IFT56: variants seen among roughly 807,000 people sequenced by gnomAD.
IFT56 encodes the protein intraflagellar transport 56.
At chr7:139,139,073 A>G in the IFT56 span, among the ~76,000 whole-genome samples, 1 of 152,174 alleles carries the variant, frequency 6.6e-6, no homozygotes, top group Non-Finnish European at 1.5e-5. Context: ...CGGCCTCCCA[A>G]AGTGCTGGGA....
the IFT56 span, chr7:139,161,185 G>C: frequency 5.6e-6 from 3 of 533,260 alleles, no homozygotes; most frequent in Non-Finnish European, 9.8e-6. Context: ...GTACTAATCT[G>C]TTTCCTTAAG....
the IFT56 span, among the ~76,000 whole-genome samples, chr7:139,167,244 T>G: frequency 6.6e-6 from 1 of 152,228 alleles, no homozygotes; most frequent in Non-Finnish European, 1.5e-5. Context: ...GTAACTTGTC[T>G]TTCTTCCCCA....
At chr7:139,168,595 TG>T in the IFT56 span, 4 of 573,250 alleles carry the variant, frequency 7.0e-6, no homozygotes, top group Admixed American at 1.1e-4. Flanking sequence ...AAAAAAAACT[TG>T]TAACCCTAAA....
the IFT56 span, among the ~76,000 whole-genome samples, chr7:139,140,862 T>C: frequency 6.6e-6 from 1 of 151,872 alleles, no homozygotes; most frequent in Admixed American, 6.6e-5. Context: ...ACTGTAATGT[T>C]TGATAGGGAA....
At chr7:139,161,295 C>G in the IFT56 span, 2 of 376,750 alleles carry the variant, frequency 5.3e-6, no homozygotes, top group African/African-American at 4.2e-5. Context: ...GACAAAGGAA[C>G]GTATCCCTCT....
At chr7:139,144,784 T>G in the IFT56 span, among the ~76,000 whole-genome samples, 1 of 152,126 alleles carries the variant, frequency 6.6e-6, no homozygotes, top group African/African-American at 2.4e-5. Context: ...GAATTTACAT[T>G]TTATTACTTT....
At chr7:139,143,992 A>G in the IFT56 span, among the ~76,000 whole-genome samples, 1 of 152,122 alleles carries the variant, frequency 6.6e-6, no homozygotes, top group African/African-American at 2.4e-5. Context: ...TGCAAATTTG[A>G]AAAATATTTT....
chr7:139,169,458 AT>A, the IFT56 span: 10 of 993,134 alleles, frequency 1.0e-5, no homozygotes, highest in Admixed American at 2.0e-5. Context: ...TAGGCTTCAC[AT>A]TATAAAGTGG....
At chr7:139,147,790 G>A in the IFT56 span, among the ~76,000 whole-genome samples, 1 of 151,970 alleles carries the variant, frequency 6.6e-6, no homozygotes, top group Non-Finnish European at 1.5e-5. Context: ...TTAAACACTT[G>A]GCCTCTCTCT....
At chr7:139,171,993 G>A in the IFT56 span, among the ~76,000 whole-genome samples, 10 of 152,154 alleles carry the variant, frequency 6.6e-5, no homozygotes, top group Non-Finnish European at 1.5e-4. Flanking sequence ...AAGCAAACGT[G>A]TAGCTGCAAA....
chr7:139,186,907 A>G, the IFT56 span, among the ~76,000 whole-genome samples: 1 of 150,592 alleles, frequency 6.6e-6, no homozygotes, highest in Non-Finnish European at 1.5e-5. Context: ...ATCCTGGCTA[A>G]CAAGGTGAAA....
the IFT56 span, among the ~76,000 whole-genome samples, chr7:139,148,898 C>T: frequency 6.6e-6 from 1 of 151,736 alleles, no homozygotes; most frequent in Non-Finnish European, 1.5e-5. Flanking sequence ...GAGACTCTGT[C>T]TCAAAAAAAC....
chr7:139,159,420 T>C, the IFT56 span, among the ~76,000 whole-genome samples: 1 of 152,200 alleles, frequency 6.6e-6, no homozygotes, highest in South Asian at 2.1e-4. Flanking sequence ...TATAACTGTT[T>C]TTTTATTTTA....
At chr7:139,149,314 A>AG in the IFT56 span, among the ~76,000 whole-genome samples, 1 of 151,684 alleles carries the variant, frequency 6.6e-6, no homozygotes, top group Non-Finnish European at 1.5e-5. Flanking sequence ...CAAAAAAAAA[A>AG]AAAAAAGAAC....
the IFT56 span, chr7:139,169,437 G>C: frequency 1.6e-6 from 2 of 1,244,388 alleles, no homozygotes; most frequent in Non-Finnish European, 2.4e-6. Flanking sequence ...TCTGTCTAGG[G>C]ATGTATCTAT....
the IFT56 span, chr7:139,168,652 T>C: frequency 2.5e-5 from 11 of 436,796 alleles, no homozygotes; most frequent in African/African-American, 1.7e-4. Flanking sequence ...TAGCAACTTA[T>C]TTAATAACTA....
the IFT56 span, among the ~76,000 whole-genome samples, chr7:139,169,717 A>C: frequency 6.6e-6 from 1 of 152,202 alleles, no homozygotes; most frequent in Non-Finnish European, 1.5e-5. Context: ...TCCATATAAA[A>C]ATATTAAAAC....
the IFT56 span, chr7:139,178,451 A>G: frequency 4.2e-5 from 64 of 1,526,072 alleles, no homozygotes; most frequent in Non-Finnish European, 5.4e-5. Context: ...TTTATCTGGT[A>G]TAACTGATGG....
the IFT56 span, among the ~76,000 whole-genome samples, chr7:139,151,859 C>T: frequency 6.6e-6 from 1 of 152,064 alleles, no homozygotes; most frequent in Non-Finnish European, 1.5e-5. Context: ...GTCAGGAGTT[C>T]GAGACCAGCC....
Sources: gnomAD v4.1 joint callset for allele counts (sites outside exome capture counted in the v4.1 genomes callset) on GRCh38, gnomAD v4.1.1 for gene constraint, MANE v1.5 for transcripts, NCBI Gene and HGNC (gene_info 2026-07-23, HGNC 2026-07-21) for gene names.